ADAMTSL1: variants seen among roughly 807,000 people sequenced by gnomAD.
ADAMTSL1 encodes the protein ADAMTS-like protein 1.
ADAMTSL1 carries 126 observed loss-of-function variants against 201.8 expected under a neutral mutation model. The ratio of observed to expected loss-of-function variants is 0.62; its 90% confidence interval spans 0.54 to 0.72. The LOEUF is 0.72. ADAMTSL1 is among the 30% of genes least tolerant of loss of function. The pLI is 0.00. For synonymous variants in ADAMTSL1, 1,121 were observed against 903.4 expected, an observed-to-expected ratio of 1.24 and a Z score of -4.32; for missense variants, 2,679 against 2,277.8, an observed-to-expected ratio of 1.18 and a Z score of -3.59.
intron 4 of ADAMTSL1, among the ~76,000 whole-genome samples, chr9:18,621,397 G>A (rs952739295): frequency 1.8e-4 from 28 of 152,140 alleles, no homozygotes; most frequent in African/African-American, 6.3e-4. Flanking sequence ...CCTTGGGTAA[G>A]ACTCATGGCC....
intron 1 of ADAMTSL1, among the ~76,000 whole-genome samples, chr9:17,997,256 A>G (rs563534291): frequency 2.7e-4 from 41 of 152,260 alleles, no homozygotes; most frequent in East Asian, 3.9e-4. Flanking sequence ...GTTTTTGGTT[A>G]AGAATCTTTC....
At chr9:18,695,534 C>T (rs1292537076) in intron 13 of ADAMTSL1, among the ~76,000 whole-genome samples, 3 of 152,182 alleles carry the variant, frequency 2.0e-5, no homozygotes, top group African/African-American at 7.2e-5. Context: ...CACTTTGCTG[C>T]TTAGAAATTT....
intron 1 of ADAMTSL1, among the ~76,000 whole-genome samples, chr9:17,950,385 G>C (rs1827685854): frequency 6.6e-6 from 1 of 151,912 alleles, no homozygotes; most frequent in African/African-American, 2.4e-5. Flanking sequence ...TAGTAGGGAA[G>C]TCCTCTTTGA....
intron 7 of ADAMTSL1, among the ~76,000 whole-genome samples, chr9:18,640,088 C>T (rs184227374): frequency 1.3e-5 from 2 of 152,220 alleles, no homozygotes; most frequent in East Asian, 1.9e-4. Flanking sequence ...CATCATGGGA[C>T]CTGGAGCCAG....
intron 2 of ADAMTSL1, among the ~76,000 whole-genome samples, chr9:18,457,700 T>C (rs1434938066): frequency 6.6e-6 from 1 of 152,190 alleles, no homozygotes; most frequent in African/African-American, 2.4e-5. Context: ...GAAAGTAGTA[T>C]GGGTTCTGAG....
intron 1 of ADAMTSL1, among the ~76,000 whole-genome samples, chr9:18,125,694 T>A (rs1825703170): frequency 6.6e-6 from 1 of 152,220 alleles, no homozygotes; most frequent in Non-Finnish European, 1.5e-5. Flanking sequence ...TTTCCCCACA[T>A]TTAATTAGCT....
At chr9:18,455,021 G>C (rs888791805) in intron 2 of ADAMTSL1, among the ~76,000 whole-genome samples, 1 of 152,066 alleles carries the variant, frequency 6.6e-6, no homozygotes, top group Admixed American at 6.6e-5. Flanking sequence ...CATAGGGTGG[G>C]TGGGTGTGAA....
chr9:18,780,315 C>G (rs1488987921), intron 19 of ADAMTSL1, among the ~76,000 whole-genome samples: 3 of 152,124 alleles, frequency 2.0e-5, no homozygotes, highest in Non-Finnish European at 4.4e-5. Flanking sequence ...ACCTCCTTCC[C>G]TCATTTACGG....
chr9:18,019,785 G>A (rs2131579962), intron 1 of ADAMTSL1, among the ~76,000 whole-genome samples: 1 of 152,184 alleles, frequency 6.6e-6, no homozygotes, highest in Non-Finnish European at 1.5e-5. Flanking sequence ...GAAGCAGGCA[G>A]GAAAAACTGT....
intron 2 of ADAMTSL1, among the ~76,000 whole-genome samples, chr9:18,420,009 T>A (rs1818870270): frequency 6.6e-6 from 1 of 152,196 alleles, no homozygotes. Flanking sequence ...ATTACAGGTG[T>A]GAGCCACCGT....
At chr9:18,445,686 G>A (rs756515826) in intron 2 of ADAMTSL1, among the ~76,000 whole-genome samples, 4 of 152,040 alleles carry the variant, frequency 2.6e-5, no homozygotes, top group Non-Finnish European at 5.9e-5. Flanking sequence ...TTCCCTACTT[G>A]ACTGGAGACA....
chr9:18,736,485 C>T (rs916369827), intron 15 of ADAMTSL1, among the ~76,000 whole-genome samples: 1 of 152,152 alleles, frequency 6.6e-6, no homozygotes, highest in African/African-American at 2.4e-5. Context: ...ATGTAACTGA[C>T]CCATGGTGGA....
intron 1 of ADAMTSL1, among the ~76,000 whole-genome samples, chr9:18,051,308 A>T (rs1413208908): frequency 6.6e-6 from 1 of 152,046 alleles, no homozygotes; most frequent in Non-Finnish European, 1.5e-5. Flanking sequence ...CTCAAAAAAA[A>T]AATTATATAT....
intron 2 of ADAMTSL1, among the ~76,000 whole-genome samples, chr9:18,217,875 A>C (rs956014006): frequency 2.6e-5 from 4 of 151,590 alleles, no homozygotes; most frequent in Non-Finnish European, 4.4e-5. Flanking sequence ...CTGTGCCTTG[A>C]GGCAATGTAC....
intron 3 of ADAMTSL1, among the ~76,000 whole-genome samples, chr9:18,547,539 T>A (rs1383996753): frequency 6.6e-6 from 1 of 150,790 alleles, no homozygotes; most frequent in Non-Finnish European, 1.5e-5. Flanking sequence ...TTGAATTTCC[T>A]TCACAGAAGA....
intron 4 of ADAMTSL1, among the ~76,000 whole-genome samples, chr9:18,585,255 A>C (rs1219309889): frequency 6.6e-6 from 1 of 152,178 alleles, no homozygotes; most frequent in Admixed American, 6.5e-5. Flanking sequence ...ATGGCTTAAT[A>C]AAAAAACTTT....
rs761201169 is a variant in ADAMTSL1, at chr9:18,777,713, C to T, written c.3484C>T (p.Arg1162Cys). The T allele has an allele frequency of 1.1e-5, 17 of 1,613,280 alleles. No homozygotes were observed. The highest frequency in any genetic ancestry group is 4.5e-5 in the East Asian group (2 of 44,866). ...CGGGGGAGGCTCTCGAAGGCCACAC[C>T]GCAAGCCCACCATCCTGCGCAAGAT... ...DAGGGSRRPH[R>C]KPTILRKISA... The change falls in exon 19 of 29, where the codon CGC becomes TGC. Residue 1162 changes from arginine (R) to cysteine (C), a missense_variant. Coordinates refer to ENST00000380548, the MANE Select transcript of ADAMTSL1 (RefSeq NM_001040272.6).
chr9:18,335,303 C>T (rs1425059053), intron 2 of ADAMTSL1, among the ~76,000 whole-genome samples: 2 of 152,100 alleles, frequency 1.3e-5, no homozygotes, highest in South Asian at 2.1e-4. Context: ...ACTTATTTTC[C>T]TCTCGTTCTT....
intron 5 of ADAMTSL1, among the ~76,000 whole-genome samples, chr9:18,625,780 T>C (rs1001175875): frequency 6.6e-6 from 1 of 152,232 alleles, no homozygotes; most frequent in African/African-American, 2.4e-5. Flanking sequence ...CTCTCGTCTG[T>C]ATCTGTATGT....
Sources: allele counts gnomAD v4.1 joint callset (sites outside exome capture counted in the v4.1 genomes callset), GRCh38; gene constraint gnomAD v4.1.1; transcripts MANE v1.5; gene names NCBI Gene and HGNC (gene_info 2026-07-23, HGNC 2026-07-21).